The following CACNA1E variants were observed in gnomAD, a reference collection of about 807,000 sequenced individuals.
CACNA1E encodes calcium voltage-gated channel subunit alpha1 E, also known as voltage-dependent R-type calcium channel subunit alpha-1E.
Under a neutral mutation model 259.2 loss-of-function variants are expected in CACNA1E, and 40 were observed. The ratio of observed to expected loss-of-function variants is 0.15; its 90% CI spans 0.12 to 0.20. The LOEUF (loss-of-function observed/expected upper bound fraction) is 0.20, where lower values mean the gene tolerates loss of function less well. Among genes scored for constraint, CACNA1E ranks in the 10% least tolerant of loss-of-function variants. CACNA1E has a pLI of 1.00. For synonymous variants in CACNA1E, 1,104 were observed against 1,138.5 expected (o/e 0.97, Z 0.61); for missense variants, 1,874 against 3,040.1 (o/e 0.62, Z 9.02).
chr1:181,663,731 T>C (rs1164836621), intron 7 of CACNA1E, among the ~76,000 whole-genome samples: 1 of 152,232 alleles, frequency 6.6e-6, no homozygotes, highest in Non-Finnish European at 1.5e-5. Flanking sequence ...GATCCCAGCT[T>C]ACAAGCATTA....
At chr1:181,533,024 A>C (rs143415959) in intron 3 of CACNA1E, among the ~76,000 whole-genome samples, 256 of 152,186 alleles carry the variant, frequency 1.7e-3, no homozygotes, top group African/African-American at 6.1e-3. Flanking sequence ...GAGACTTCTT[A>C]ATGTGTCCTG....
At chr1:181,733,128 T>C (rs1655674652) in intron 20 of CACNA1E, 94 bp downstream of exon 20, 8 of 1,421,180 alleles carry the variant, frequency 5.6e-6, no homozygotes, top group Non-Finnish European at 7.4e-6. Flanking sequence ...TTTCTTCTCC[T>C]ATTATAAAAT....
intron 2 of CACNA1E, among the ~76,000 whole-genome samples, chr1:181,440,637 G>A (rs983518394): frequency 2.0e-5 from 3 of 152,146 alleles, no homozygotes; most frequent in African/African-American, 7.2e-5. Context: ...GCTCTCAACA[G>A]AGGATGCCCT....
chr1:181,543,804 A>T (rs1668774443), intron 3 of CACNA1E, among the ~76,000 whole-genome samples: 1 of 152,236 alleles, frequency 6.6e-6, no homozygotes, highest in Non-Finnish European at 1.5e-5. Flanking sequence ...CCTCACACCC[A>T]TTAGGGTGGT....
intron 38 of CACNA1E, among the ~76,000 whole-genome samples, chr1:181,781,206 G>A (rs566254504): frequency 6.6e-6 from 1 of 152,262 alleles, no homozygotes; most frequent in Admixed American, 6.5e-5. Context: ...TCATGTCTAC[G>A]ATTTGCCTTG....
At chr1:181,651,817 C>A (rs1658782802) in intron 7 of CACNA1E, 2 of 163,090 alleles carry the variant, frequency 1.2e-5, no homozygotes, top group South Asian at 3.5e-4. Flanking sequence ...AAGTTTCTTA[C>A]TCTGTAGTGT....
Position 181,376,367 on chromosome 1 carries a change from A to G in CACNA1E, c.-14-36766A>G, listed in dbSNP as rs1476059191. Among the ~76,000 whole-genome samples the G allele has an allele frequency of 3.3e-5, 5 of 152,308 alleles. No individual in the cohort carries two copies. In the East Asian group the frequency reaches 7.7e-4, roughly 23 times the overall value. ...GCAGAGGCAAGAAAGAAGGAAGGAG[A>G]GCTGGAAGAGCCGCTTTTCCTTCTA... is the stretch of plus-strand genomic sequence containing the variant. On this transcript the variant is annotated intron_variant, in intron 1 of 11. Transcript: ENST00000524607.
At chr1:181,645,021 A>G (rs1444463238) in intron 6 of CACNA1E, among the ~76,000 whole-genome samples, 3 of 152,124 alleles carry the variant, frequency 2.0e-5, no homozygotes, top group African/African-American at 7.2e-5. Context: ...CAGCTGGGGG[A>G]TGAGACATGG....
chr1:181,397,363 C>T (rs1210957592), intron 1 of CACNA1E, among the ~76,000 whole-genome samples: 2 of 152,168 alleles, frequency 1.3e-5, no homozygotes, highest in African/African-American at 2.4e-5. Flanking sequence ...TGCAGTGGCA[C>T]GATCTTAGCT....
chr1:181,354,961 C>G (rs1326233670), intron 1 of CACNA1E, among the ~76,000 whole-genome samples: 1 of 152,252 alleles, frequency 6.6e-6, no homozygotes, highest in Non-Finnish European at 1.5e-5. Flanking sequence ...TTCAATTGTG[C>G]AATGAGAGCA....
chr1:181,527,253 G>C (rs540770905), intron 3 of CACNA1E, among the ~76,000 whole-genome samples: 3 of 152,352 alleles, frequency 2.0e-5, no homozygotes, highest in Admixed American at 1.3e-4. Context: ...CTGGACAGCT[G>C]TCTGTGTCCT....
intron 1 of CACNA1E, among the ~76,000 whole-genome samples, chr1:181,321,167 A>C (rs1233583535): frequency 1.3e-5 from 2 of 152,168 alleles, no homozygotes; most frequent in African/African-American, 4.8e-5. Context: ...CAAGCCATTC[A>C]TGAGGGATCA....
intron 32 of CACNA1E, 33 bp from the exon 33 acceptor site, chr1:181,762,541 T>G: frequency 7.8e-7 from 1 of 1,276,130 alleles, no homozygotes; most frequent in Non-Finnish European, 1.1e-6. Context: ...TCTTTCCTTT[T>G]CTGATGTTCC....
At chr1:181,340,308 T>TGGC (rs1431097633) in intron 1 of CACNA1E, among the ~76,000 whole-genome samples, 1 of 152,122 alleles carries the variant, frequency 6.6e-6, no homozygotes, top group East Asian at 1.9e-4. Flanking sequence ...TTAATTTGTT[T>TGGC]ATTCATATGC....
At chr1:181,706,707 G>A (rs1259369882) in intron 7 of CACNA1E, among the ~76,000 whole-genome samples, 2 of 152,168 alleles carry the variant, frequency 1.3e-5, no homozygotes, top group Non-Finnish European at 2.9e-5. Context: ...GATTTTAAAT[G>A]TTGACTTCTA....
intron 1 of CACNA1E, among the ~76,000 whole-genome samples, chr1:181,398,580 C>G (rs548508050): frequency 6.6e-6 from 1 of 152,220 alleles, no homozygotes; most frequent in Non-Finnish European, 1.5e-5. Flanking sequence ...AAAGCTGATT[C>G]AAAGCGCAGG....
intron 7 of CACNA1E, among the ~76,000 whole-genome samples, chr1:181,685,760 T>G (rs1253630376): frequency 2.0e-5 from 3 of 152,236 alleles, no homozygotes; most frequent in Admixed American, 6.5e-5. Context: ...GAAGACCTTT[T>G]GGAATACTTC....
intron 6 of CACNA1E, among the ~76,000 whole-genome samples, chr1:181,603,677 G>A (rs1012886714): frequency 6.6e-6 from 1 of 152,030 alleles, no homozygotes; most frequent in African/African-American, 2.4e-5. Context: ...AAGTCCTAGA[G>A]GCTTTGGGAC....
intron 22 of CACNA1E, among the ~76,000 whole-genome samples, chr1:181,736,640 T>C (rs895596056): frequency 2.0e-5 from 3 of 152,110 alleles, no homozygotes; most frequent in Non-Finnish European, 2.9e-5. Context: ...TCTGTGCCCA[T>C]AGCTGAAAGA....
Sources: allele counts gnomAD v4.1 joint callset (sites outside exome capture counted in the v4.1 genomes callset), GRCh38; gene constraint gnomAD v4.1.1; transcripts MANE v1.5; gene names NCBI Gene and HGNC (gene_info 2026-07-23, HGNC 2026-07-21).